Variants in TAFA4 observed in about 807,000 individuals in gnomAD.
TAFA4 encodes the protein chemokine-like protein TAFA-4.
In TAFA4, 20 loss-of-function variants were observed where a neutral mutation model predicts 21.1. The ratio of observed to expected loss-of-function variants is 0.95; its 90% CI spans 0.67 to 1.38. The LOEUF (loss-of-function observed/expected upper bound fraction) is 1.38, where lower values mean the gene tolerates loss of function less well. Among genes scored for constraint, TAFA4 ranks in the 40% most tolerant of loss-of-function variants. The pLI is 0.00. For missense variants in TAFA4, 211 were observed against 180.9 expected, an observed-to-expected ratio of 1.17 and a Z score of -0.95; for synonymous variants, 71 against 67.4, an observed-to-expected ratio of 1.05 and a Z score of -0.26.
intron 3 of TAFA4, among the ~76,000 whole-genome samples, chr3:68,851,358 G>C (rs1704944676): frequency 6.6e-6 from 1 of 151,956 alleles, no homozygotes; most frequent in South Asian, 2.1e-4. Flanking sequence ...GTGTAGGGAG[G>C]GAGAACATTA....
intron 4 of TAFA4, among the ~76,000 whole-genome samples, chr3:68,746,595 A>C (rs1288688205): frequency 6.6e-6 from 1 of 152,200 alleles, no homozygotes. Context: ...TTTCTTGTTA[A>C]GAAAAGAAGC....
Position 68,837,995 on chromosome 3 carries a change from A to G in TAFA4, c.130+42735T>C, listed in dbSNP as rs185534792. 9.0e-3 allele frequency among the ~76,000 whole-genome samples: 1,364 copies of G among 152,238 alleles called. 24 individuals are homozygous for G. The highest frequency in any genetic ancestry group is 0.031 in the African/African-American group (1,271 of 41,544). On this transcript the variant is annotated intron_variant, in intron 3 of 5. Transcript: ENST00000295569. Reference sequence around the variant, plus strand: ...AGCTAATTAACATATGCATTGCCTCACATACTTATCATTTTGTGATGAGAA... The same window carrying G: ...AGCTAATTAACATATGCATTGCCTCGCATACTTATCATTTTGTGATGAGAA...
At chr3:68,775,404 C>T (rs906096604) in intron 3 of TAFA4, among the ~76,000 whole-genome samples, 8 of 152,050 alleles carry the variant, frequency 5.3e-5, no homozygotes, top group Middle Eastern at 3.2e-3. Flanking sequence ...ACCACCTTAC[C>T]GCTACACATA....
intron 3 of TAFA4, among the ~76,000 whole-genome samples, chr3:68,766,614 G>A (rs916295391): frequency 6.6e-6 from 1 of 150,458 alleles, no homozygotes; most frequent in East Asian, 1.9e-4. Flanking sequence ...AAAGCAAACA[G>A]AAAATACTTA....
In TAFA4 at chr3:68,816,221, C is replaced by A. The variant is rs577098677; in HGVS notation, c.131-63203G>T. Reference sequence around the variant, plus strand: ...AGGAGATATACCTAATGTTAAGTGACGAGTTAATGGGTGCAGCACACCAAC... The same window carrying A: ...AGGAGATATACCTAATGTTAAGTGAAGAGTTAATGGGTGCAGCACACCAAC... On this transcript the variant is annotated intron_variant, in intron 3 of 5. Transcript: ENST00000295569. Among the ~76,000 whole-genome samples, 9 of 152,100 alleles carry A rather than the reference C, an allele frequency of 5.9e-5. 1 individual carries two copies. In the South Asian group the frequency reaches 1.9e-3, roughly 32 times the overall value.
chr3:68,770,102 T>C (rs559232987), intron 3 of TAFA4, among the ~76,000 whole-genome samples: 1 of 152,288 alleles, frequency 6.6e-6, no homozygotes, highest in Non-Finnish European at 1.5e-5. Context: ...AAAAAAAATA[T>C]ATCTAAATAT....
chr3:68,737,955 C>G (rs1702274521), intron 5 of TAFA4, among the ~76,000 whole-genome samples: 1 of 152,024 alleles, frequency 6.6e-6, no homozygotes, highest in Non-Finnish European at 1.5e-5. Context: ...AAATAGTTAC[C>G]AAGGCATTCA....
intron 3 of TAFA4, among the ~76,000 whole-genome samples, chr3:68,795,774 C>T (rs1041582923): frequency 2.0e-5 from 3 of 152,118 alleles, no homozygotes; most frequent in African/African-American, 4.8e-5. Flanking sequence ...TGCGGATGTT[C>T]GTTGGTGTCT....
chr3:68,884,149 T>A (rs1232347140), intron 2 of TAFA4, among the ~76,000 whole-genome samples: 1 of 152,222 alleles, frequency 6.6e-6, no homozygotes, highest in Non-Finnish European at 1.5e-5. Context: ...ATGAATTATA[T>A]GACAGCCTGG....
At chr3:68,792,045 C>T (rs1330286941) in intron 3 of TAFA4, among the ~76,000 whole-genome samples, 2 of 152,162 alleles carry the variant, frequency 1.3e-5, no homozygotes, top group Non-Finnish European at 2.9e-5. Context: ...TAATGGCCTA[C>T]TAATGGATTT....
chr3:68,836,072 T>C lies in TAFA4; in HGVS notation c.130+44658A>G, dbSNP rs1227762240. 2.6e-5 allele frequency among the ~76,000 whole-genome samples: 4 copies of C among 152,226 alleles called. No homozygotes were observed. The South Asian group carries it at 6.2e-4, about 24-fold the overall frequency. ...TGTGGATTTCAGTTTTTCAATCTCA[T>C]GAAGTATTCTAAAATGAGAAACTAC... On this transcript the variant is annotated intron_variant, in intron 3 of 5. Transcript: ENST00000295569.
chr3:68,861,624 A>G (rs1020166154), intron 3 of TAFA4, among the ~76,000 whole-genome samples: 2 of 152,068 alleles, frequency 1.3e-5, no homozygotes, highest in Admixed American at 1.3e-4. Flanking sequence ...GAGGACACAG[A>G]GAAAGGACGA....
intron 3 of TAFA4, among the ~76,000 whole-genome samples, chr3:68,755,338 T>G (rs1702641761): frequency 6.6e-6 from 1 of 152,202 alleles, no homozygotes; most frequent in South Asian, 2.1e-4. Context: ...TACTGGAAGA[T>G]CAGGAGTTTG....
chr3:68,792,331 C>A (rs1703377636), intron 3 of TAFA4, among the ~76,000 whole-genome samples: 1 of 152,090 alleles, frequency 6.6e-6, no homozygotes, highest in Non-Finnish European at 1.5e-5. Context: ...CACCCATTGA[C>A]AATCATGTTC....
intron 5 of TAFA4, among the ~76,000 whole-genome samples, chr3:68,737,845 C>G (rs1702272159): frequency 1.3e-5 from 2 of 152,098 alleles, no homozygotes; most frequent in African/African-American, 4.8e-5. Flanking sequence ...CCTAAGGGAT[C>G]AAAGCTCAAT....
At chr3:68,787,546 G>A (rs1372955620) in intron 3 of TAFA4, among the ~76,000 whole-genome samples, 1 of 152,090 alleles carries the variant, frequency 6.6e-6, no homozygotes, top group African/African-American at 2.4e-5. Context: ...AAGAAAGAAG[G>A]GAAGAGGGCG....
At chr3:68,787,741 A>T (rs1575608589) in intron 3 of TAFA4, among the ~76,000 whole-genome samples, 1 of 152,222 alleles carries the variant, frequency 6.6e-6, no homozygotes, top group African/African-American at 2.4e-5. Context: ...AAGAAGGCAT[A>T]ATGAATACAA....
intron 2 of TAFA4, among the ~76,000 whole-genome samples, chr3:68,883,957 A>G (rs2106955019): frequency 7.1e-6 from 1 of 141,678 alleles, no homozygotes; most frequent in South Asian, 2.4e-4. Flanking sequence ...GCAGGCAGGC[A>G]GGCAGGGAGG....
chr3:68,887,629 T>A (rs2089686389), intron 1 of TAFA4, among the ~76,000 whole-genome samples: 1 of 152,110 alleles, frequency 6.6e-6, no homozygotes, highest in Non-Finnish European at 1.5e-5. Flanking sequence ...ACAGGATCAG[T>A]ACCATGTGGA....
Sources: gnomAD v4.1 joint callset for allele counts (sites outside exome capture counted in the v4.1 genomes callset) on GRCh38, gnomAD v4.1.1 for gene constraint, MANE v1.5 for transcripts, NCBI Gene and HGNC (gene_info 2026-07-23, HGNC 2026-07-21) for gene names.